Variants in CKAP5 observed in about 807,000 individuals in gnomAD.
The protein encoded by CKAP5 is cytoskeleton-associated protein 5.
In CKAP5, 27 loss-of-function variants were observed where a neutral mutation model predicts 232.8. The observed-to-expected ratio is 0.12, with a 90% CI of 0.09 to 0.16. The LOEUF (loss-of-function observed/expected upper bound fraction) is 0.16. Among genes scored for constraint, CKAP5 ranks in the 10% least tolerant of loss-of-function variants. CKAP5 has a pLI of 1.00. For missense variants in CKAP5, 1,838 were observed against 2,424.7 expected, an observed-to-expected ratio of 0.76 and a Z score of 5.08; for synonymous variants, 785 against 841.1, an observed-to-expected ratio of 0.93 and a Z score of 1.16.
At chr11:46,774,392 T>A (rs890374264) in intron 24 of CKAP5, among the ~76,000 whole-genome samples, 2 of 152,098 alleles carry the variant, frequency 1.3e-5, no homozygotes, top group African/African-American at 4.8e-5. Flanking sequence ...AGAATCAATA[T>A]CATGAAAATG....
intron 4 of CKAP5, among the ~76,000 whole-genome samples, chr11:46,814,522 T>C (rs773537777): frequency 2.0e-5 from 3 of 152,168 alleles, no homozygotes; most frequent in Non-Finnish European, 4.4e-5. Flanking sequence ...CACAAAATCA[T>C]GAGAGGTGAG....
In CKAP5 at chr11:46,790,163, A is replaced by G. The variant is rs566300050; in HGVS notation, c.1788T>C (p.Ala596=). The G allele has an allele frequency of 6.2e-7, 1 of 1,608,266 alleles. No individual in the cohort carries two copies. Among genetic ancestry groups the G allele is most frequent in the Non-Finnish European group, 8.5e-7 (1 of 1,175,688 alleles). ...ELSIEVCEEK[A]SAVLPPTCIQ... is the part of the protein sequence containing the mutation. ...TACAGGTAGGGGGAAGAACAGCTGA[A>G]GCTTTTTCTTCACATACTTCTATCT... Residue 596 remains alanine (A), a synonymous_variant, in exon 15 of 44, where the codon GCT becomes GCC. Coordinates refer to ENST00000529230, the MANE Select transcript of CKAP5 (RefSeq NM_001008938.4).
At chr11:46,744,690 C>T (rs566657582) in intron 42 of CKAP5, 113 bp from the exon 43 acceptor site, 53 of 972,882 alleles carry the variant, frequency 5.4e-5, no homozygotes, top group South Asian at 3.8e-4. Flanking sequence ...TACTTGAAAA[C>T]GACAAATTCC....
At chr11:46,774,485 C>T (rs761207923) in intron 24 of CKAP5, among the ~76,000 whole-genome samples, 1 of 152,184 alleles carries the variant, frequency 6.6e-6, no homozygotes, top group African/African-American at 2.4e-5. Flanking sequence ...TTAGAAAAAA[C>T]TACTTTAAAT....
chr11:46,763,765 T>C (rs991133571), intron 28 of CKAP5, 135 bp from the exon 29 acceptor site: 13 of 541,504 alleles, frequency 2.4e-5, no homozygotes, highest in Non-Finnish European at 3.2e-5. Flanking sequence ...TAAATATGAA[T>C]GCAAATTTCA....
chr11:46,757,895 T>C (rs1256790441), intron 35 of CKAP5, among the ~76,000 whole-genome samples: 1 of 150,690 alleles, frequency 6.6e-6, no homozygotes, highest in Non-Finnish European at 1.5e-5. Flanking sequence ...CTATTTTTTT[T>C]TTTTTTTTTT....
chr11:46,837,701 A>C (rs1939948526), intron 1 of CKAP5, among the ~76,000 whole-genome samples: 1 of 152,224 alleles, frequency 6.6e-6, no homozygotes, highest in African/African-American at 2.4e-5. Context: ...ATGTTAAAGG[A>C]ATACAGGAAG....
chr11:46,797,638 AG>A (rs1938910930), intron 11 of CKAP5, among the ~76,000 whole-genome samples, 166 bp downstream of exon 11: 1 of 152,166 alleles, frequency 6.6e-6, no homozygotes, highest in South Asian at 2.1e-4. Flanking sequence ...TTTCAAGAAG[AG>A]GAACACAGGA....
intron 8 of CKAP5, among the ~76,000 whole-genome samples, chr11:46,802,559 C>CAGACAG (rs1165542984): frequency 7.9e-5 from 7 of 88,610 alleles, no homozygotes; most frequent in African/African-American, 1.3e-4. Context: ...GACAGACAGA[C>CAGACAG]ACACACACAC....
rs1394587501 is a variant in CKAP5 at position 46,752,191 on chromosome 11, T to TAC, written c.5133+443_5133+444insGT. Reference sequence around the variant, plus strand: ...ATATATATATATATATATATATATATATACACACACACACACACACACACA... The same window carrying TAC: ...ATATATATATATATATATATATATATACATACACACACACACACACACACACA... On this transcript the variant is annotated intron_variant, in intron 38 of 43. Coordinates refer to ENST00000529230, the MANE Select transcript of CKAP5 (RefSeq NM_001008938.4). Among the ~76,000 whole-genome samples the TAC allele has an allele frequency of 1.6e-4, 12 of 73,134 alleles. No individual in the cohort carries two copies. In the South Asian group the frequency reaches 2.3e-3, roughly 14 times the overall value. The allele number at this position is 73,134 out of a possible 152,430, so 48.0% of individuals were successfully genotyped here.
At chr11:46,765,296 C>T (rs1363439663) in intron 27 of CKAP5, 40 bp from the exon 28 acceptor site, 1 of 1,550,244 alleles carries the variant, frequency 6.5e-7, no homozygotes, top group South Asian at 1.3e-5. Flanking sequence ...AGCTTGGCCA[C>T]TTCTCCTTAA....
Position 46,753,403 on chromosome 11 carries a change from A to T in CKAP5, c.4964T>A (p.Ile1655Asn), listed in dbSNP as rs372306286. Reference sequence around the variant, plus strand: ...CTGTTGTCCTTCCTCAAGATCTTCAATCCGAGAATCCAGCATTAAGGTGAT... The same window carrying T: ...CTGTTGTCCTTCCTCAAGATCTTCATTCCGAGAATCCAGCATTAAGGTGAT... The part of the protein sequence containing the change: ...GLITLMLDSR[I>N]EDLEEGQQVI... The change falls in exon 37 of 44, where the codon ATT becomes AAT. Residue 1655 changes from isoleucine to asparagine, a missense_variant. Transcript: ENST00000529230. 6.9e-5 allele frequency: 112 copies of T among 1,613,910 alleles called. No homozygotes were observed. Among genetic ancestry groups the T allele is most frequent in the Non-Finnish European group, 9.1e-5 (107 of 1,179,984 alleles).
intron 1 of CKAP5, among the ~76,000 whole-genome samples, chr11:46,843,852 T>C (rs1178287863): frequency 6.6e-6 from 1 of 152,134 alleles, no homozygotes; most frequent in Non-Finnish European, 1.5e-5. Flanking sequence ...TATGTCTGGC[T>C]GGGGAACACT....
Position 46,750,528 on chromosome 11 carries a change from C to G in CKAP5, c.5544G>C (p.Glu1848Asp). The G allele has an allele frequency of 6.2e-7, 1 of 1,613,730 alleles. No homozygotes were observed. Among genetic ancestry groups the G allele is most frequent in the Non-Finnish European group, 8.5e-7 (1 of 1,179,778 alleles). Residue 1848 changes from glutamate to aspartate, a missense_variant and splice_region_variant, in exon 41 of 44, where the codon GAG (glutamate) becomes GAC (aspartate). By Grantham distance (45) the Glu-to-Asp change is conservative (BLOSUM62 2). This residue lies in a region of CKAP5 where 579 missense variants were observed against 843.2 expected (regional missense o/e 0.69). Coordinates refer to ENST00000529230, the MANE Select transcript of CKAP5 (RefSeq NM_001008938.4). ...TTCTGCTTAACCCTTTCACTCTCAC[C>G]TCTTTAGTGTTTTCTTTAGAGCCAA... ...KKIGSKENTK[E>D]GLAELYEYKK...
At chr11:46,753,269 G>C (rs370599536) in intron 37 of CKAP5, 41 bp downstream of exon 37, 1 of 1,491,690 alleles carries the variant, frequency 6.7e-7, no homozygotes, top group Non-Finnish European at 9.0e-7. Flanking sequence ...AAACAAAAGC[G>C]AGGATGCCCC....
intron 13 of CKAP5, among the ~76,000 whole-genome samples, chr11:46,793,795 G>A (rs939895795): frequency 1.3e-5 from 2 of 152,166 alleles, no homozygotes; most frequent in Admixed American, 6.6e-5. Context: ...ATGGTGGCAG[G>A]TGCCTGTAAA....
intron 1 of CKAP5, among the ~76,000 whole-genome samples, chr11:46,834,216 G>C (rs536890185): frequency 6.6e-6 from 1 of 152,142 alleles, no homozygotes; most frequent in Non-Finnish European, 1.5e-5. Context: ...TCAGTCCTTT[G>C]ATATAAGAGT....
intron 16 of CKAP5, among the ~76,000 whole-genome samples, chr11:46,787,348 C>A (rs2065405004): frequency 6.6e-6 from 1 of 152,200 alleles, no homozygotes; most frequent in African/African-American, 2.4e-5. Flanking sequence ...CAAAAAGAGA[C>A]TAGCAGGATG....
intron 42 of CKAP5, among the ~76,000 whole-genome samples, chr11:46,749,502 A>G (rs1369687250): frequency 6.6e-6 from 1 of 151,740 alleles, no homozygotes; most frequent in Non-Finnish European, 1.5e-5. Flanking sequence ...CCAGGTGGAG[A>G]TATCATGTAG....
Sources: allele counts gnomAD v4.1 joint callset (sites outside exome capture counted in the v4.1 genomes callset), GRCh38; gene constraint gnomAD v4.1.1; regional missense constraint gnomAD v4.1.1; transcripts MANE v1.5; gene names NCBI Gene and HGNC (gene_info 2026-07-23, HGNC 2026-07-21).